The following KIF21A variants were observed in gnomAD, a reference collection of about 807,000 sequenced individuals.
The protein encoded by KIF21A is kinesin family member 21A, also known as kinesin-like protein KIF21A.
In KIF21A, 114 loss-of-function variants were observed where a neutral mutation model predicts 202.9. The ratio of observed to expected loss-of-function variants is 0.56; its 90% CI spans 0.48 to 0.66. The LOEUF (loss-of-function observed/expected upper bound fraction) is 0.66. Among genes scored for constraint, KIF21A ranks in the 30% least tolerant of loss-of-function variants. The pLI, the probability that KIF21A is intolerant of heterozygous loss-of-function variation, is 0.00. For missense variants in KIF21A, 1,677 were observed against 1,994.9 expected (o/e 0.84, Z 3.04); for synonymous variants, 667 against 670.8 (o/e 0.99, Z 0.09).
intron 27 of KIF21A, 70 bp downstream of exon 27, chr12:39,322,598 A>G: frequency 8.8e-7 from 1 of 1,134,784 alleles, no homozygotes; most frequent in South Asian, 1.4e-5. Context: ...GAAATAAGAA[A>G]TTAGCAACAT....
intron 28 of KIF21A, among the ~76,000 whole-genome samples, 177 bp from the exon 29 acceptor site, chr12:39,318,378 A>C (rs549920344): frequency 1.1e-4 from 17 of 152,084 alleles, no homozygotes; most frequent in African/African-American, 4.1e-4. Context: ...TTTTCACTGG[A>C]TTTTGTTACA....
At chr12:39,312,951 G>A (rs1232190880) in intron 31 of KIF21A, 2 of 151,858 alleles carry the variant, frequency 1.3e-5, no homozygotes, top group African/African-American at 4.8e-5. Flanking sequence ...CATTATGTAA[G>A]ACAAATGGCA....
intron 11 of KIF21A, 22 bp downstream of exon 11, chr12:39,351,755 A>G: frequency 7.4e-7 from 1 of 1,347,972 alleles, no homozygotes; most frequent in Admixed American, 1.7e-5. Context: ...AGATTCATTT[A>G]GTGGTGATTT....
At chr12:39,416,821 A>ATATG (rs1953778741) in intron 1 of KIF21A, among the ~76,000 whole-genome samples, 1 of 142,882 alleles carries the variant, frequency 7.0e-6, no homozygotes, top group African/African-American at 2.6e-5. Context: ...GTGTGTATAT[A>ATATG]TGTACATATA....
Position 39,333,082 on chromosome 12 carries a change from C to T in KIF21A, c.2513G>A (p.Arg838Lys). Residue 838 changes from arginine to lysine, a missense_variant, in exon 19 of 38, where the codon AGA (arginine) becomes AAA (lysine). By Grantham distance (26) the Arg-to-Lys change is conservative (BLOSUM62 2). This residue lies in a region of KIF21A where 966 missense variants were observed against 1,180.9 expected (regional missense o/e 0.82). Coordinates refer to ENST00000361418, the MANE Select transcript of KIF21A (RefSeq NM_001173464.2). The part of the protein sequence containing the change: ...EEVTALRRQV[R>K]PMSDKVAGKV... ...CCCAGCCACTTTATCTGACATGGGT[C>T]TTACTTGCCGACGAAGAGCCGTAAC... The T allele has an allele frequency of 6.2e-7, 1 of 1,614,012 alleles. No individual in the cohort carries two copies. Among genetic ancestry groups the T allele is most frequent in the Non-Finnish European group, 8.5e-7 (1 of 1,180,014 alleles).
chr12:39,404,973 A>C (rs749931019), intron 1 of KIF21A, among the ~76,000 whole-genome samples: 9 of 148,182 alleles, frequency 6.1e-5, no homozygotes, highest in Non-Finnish European at 1.2e-4. Context: ...AATTTTCCTA[A>C]GGCTTTTTTT....
At chr12:39,400,772 T>C (rs1429559620) in intron 1 of KIF21A, among the ~76,000 whole-genome samples, 3 of 152,176 alleles carry the variant, frequency 2.0e-5, no homozygotes, top group African/African-American at 7.2e-5. Flanking sequence ...GCTGAAGTTC[T>C]AGAACGTGAC....
chr12:39,408,672 T>C lies in KIF21A; in HGVS notation c.44+34255A>G, dbSNP rs572899259. On this transcript the variant is annotated intron_variant, in intron 1 of 37. Coordinates refer to ENST00000361418, the MANE Select transcript of KIF21A (RefSeq NM_001173464.2). ...AGCTCAAAAACAGATCAATAGAAAATATCCAATATGAAGCACAGAGAGAAA... is the reference window on the plus strand; with the variant it reads ...AGCTCAAAAACAGATCAATAGAAAACATCCAATATGAAGCACAGAGAGAAA... 2.6e-5 allele frequency among the ~76,000 whole-genome samples: 4 copies of C among 152,072 alleles called. No homozygotes were observed. In the South Asian group the frequency reaches 8.3e-4, roughly 31 times the overall value.
intron 1 of KIF21A, among the ~76,000 whole-genome samples, chr12:39,405,061 A>T (rs1322198142): frequency 2.6e-5 from 4 of 152,176 alleles, no homozygotes; most frequent in African/African-American, 9.7e-5. Context: ...TGTGGTAAAA[A>T]TATACTTGAA....
intron 12 of KIF21A, among the ~76,000 whole-genome samples, chr12:39,343,701 G>A (rs1268861046): frequency 1.3e-5 from 2 of 152,062 alleles, no homozygotes; most frequent in African/African-American, 4.8e-5. Flanking sequence ...ACTTTTCAGA[G>A]TTTGTCATTT....
At chr12:39,407,917 T>C (rs1161115741) in intron 1 of KIF21A, among the ~76,000 whole-genome samples, 1 of 150,624 alleles carries the variant, frequency 6.6e-6, no homozygotes, top group Admixed American at 6.6e-5. Context: ...ATATGCTAAA[T>C]ATATTTAGCA....
intron 1 of KIF21A, among the ~76,000 whole-genome samples, chr12:39,408,985 A>C (rs1383114759): frequency 6.6e-6 from 1 of 151,810 alleles, no homozygotes; most frequent in African/African-American, 2.4e-5. Flanking sequence ...ACGCCCAGCT[A>C]ATCTTTTTTA....
chr12:39,421,339 G>A (rs537343860), intron 1 of KIF21A, among the ~76,000 whole-genome samples: 41 of 152,094 alleles, frequency 2.7e-4, no homozygotes, highest in Admixed American at 5.9e-4. Flanking sequence ...TCTCTGTGTC[G>A]TTAAGAACAT....
Position 39,294,270 on chromosome 12 carries a change from T to C in KIF21A, c.*154A>G. On this transcript the variant is annotated 3_prime_UTR_variant, in exon 38 of 38. Coordinates refer to ENST00000361418, the MANE Select transcript of KIF21A (RefSeq NM_001173464.2). ...GCACACAGGATAGTACACAATTTTATTAGAATACCATTTATAGTCAGCAGT... is the reference window on the plus strand; with the variant it reads ...GCACACAGGATAGTACACAATTTTACTAGAATACCATTTATAGTCAGCAGT... The C allele has an allele frequency of 1.6e-6, 1 of 642,676 alleles. No individual in the cohort carries two copies. The highest frequency in any genetic ancestry group is 2.8e-6 in the Non-Finnish European group (1 of 351,364). The allele number at this position is 642,676 out of a possible 1,614,324, so 39.8% of individuals were successfully genotyped here.
chr12:39,393,991 G>T (rs986275669), intron 1 of KIF21A, among the ~76,000 whole-genome samples: 49 of 152,190 alleles, frequency 3.2e-4, no homozygotes, highest in Admixed American at 3.2e-3. Flanking sequence ...TTGCAGCTTG[G>T]ATTCAGTGTT....
At chr12:39,305,843 C>A (rs1943418387) in intron 34 of KIF21A, among the ~76,000 whole-genome samples, 1 of 152,046 alleles carries the variant, frequency 6.6e-6, no homozygotes, top group Non-Finnish European at 1.5e-5. Context: ...AGTAACAATA[C>A]TGAGAAAGTA....
chr12:39,354,960 T>C (rs1305408727), intron 10 of KIF21A, among the ~76,000 whole-genome samples: 1 of 152,206 alleles, frequency 6.6e-6, no homozygotes, highest in Non-Finnish European at 1.5e-5. Context: ...TATTGATAAA[T>C]AGAAGCTTAA....
intron 26 of KIF21A, among the ~76,000 whole-genome samples, 177 bp downstream of exon 26, chr12:39,325,662 T>C (rs1202270306): frequency 6.6e-6 from 1 of 151,872 alleles, no homozygotes; most frequent in Non-Finnish European, 1.5e-5. Flanking sequence ...TTAATATAAA[T>C]TTTTTCAGTT....
At position 39,340,945 on chromosome 12, in the gene KIF21A, C is replaced by T. The variant is rs201835314; in HGVS notation, c.2071G>A (p.Asp691Asn). The change falls in exon 15 of 38, where the codon GAT (aspartate) becomes AAT (asparagine). Residue 691 changes from aspartate (D) to asparagine (N), a missense_variant. By Grantham distance (23) the Asp-to-Asn change is conservative. Coordinates refer to ENST00000361418, the MANE Select transcript of KIF21A (RefSeq NM_001173464.2). ...KLMMLQHKIR[D>N]TQLERDQVLQ... ...ACCTGGTCTCTTTCAAGCTGAGTAT[C>T]CCGAATTTTATGTTGCAGCATCATT... 8.7e-6 allele frequency: 14 copies of T among 1,613,116 alleles called. 1 individual carries two copies. The highest frequency in any genetic ancestry group is 3.3e-4 in the Middle Eastern group (2 of 6,054).
Sources: gnomAD v4.1 joint callset for allele counts (sites outside exome capture counted in the v4.1 genomes callset) on GRCh38, gnomAD v4.1.1 for gene constraint, gnomAD v4.1.1 regional missense constraint, MANE v1.5 for transcripts, NCBI Gene and HGNC (gene_info 2026-07-23, HGNC 2026-07-21) for gene names.